RPGRIP1L: variants seen among roughly 807,000 people sequenced by gnomAD.
The protein encoded by RPGRIP1L is protein fantom.
Under a neutral mutation model 160.4 loss-of-function variants are expected in RPGRIP1L, and 131 were observed. The ratio of observed to expected loss-of-function variants is 0.82; its 90% confidence interval spans 0.71 to 0.94. The LOEUF (loss-of-function observed/expected upper bound fraction) is 0.94, where lower values mean the gene tolerates loss of function less well. Among genes scored for constraint, RPGRIP1L ranks in the 40% least tolerant of loss-of-function variants. RPGRIP1L has a pLI of 0.00. For synonymous variants in RPGRIP1L, 510 were observed against 515.8 expected (o/e 0.99, Z 0.15); for missense variants, 1,522 against 1,535.8 (o/e 0.99, Z 0.15).
At chr16:53,693,671 GT>G (rs1970540607) in intron 3 of RPGRIP1L, 1 of 152,174 alleles carries the variant, frequency 6.6e-6, no homozygotes, top group African/African-American at 2.4e-5. Flanking sequence ...CAATGGATTA[GT>G]TCCTTTTCCA....
chr16:53,604,495 T>C (rs1049164677), intron 26 of RPGRIP1L, among the ~76,000 whole-genome samples: 3 of 152,262 alleles, frequency 2.0e-5, no homozygotes, highest in Admixed American at 6.5e-5. Flanking sequence ...CCATCCCTGA[T>C]TATGATTTTT....
intron 24 of RPGRIP1L, 92 bp downstream of exon 24, chr16:53,618,932 TA>T: frequency 9.8e-7 from 1 of 1,018,622 alleles, no homozygotes; most frequent in South Asian, 1.4e-5. Flanking sequence ...ATGTGAATAT[TA>T]GAGAAATAAA....
At chr16:53,695,279 G>A (rs1328386821) in intron 3 of RPGRIP1L, 2 of 690,898 alleles carry the variant, frequency 2.9e-6, no homozygotes, top group Admixed American at 4.2e-5. Flanking sequence ...CACAAATCTT[G>A]AAAACAGCCA....
At position 53,626,959 on chromosome 16, in the gene RPGRIP1L, A is replaced by C. The variant is rs187023710; in HGVS notation, c.3295-4603T>G. 7.6e-4 allele frequency among the ~76,000 whole-genome samples: 116 copies of C among 152,256 alleles called. No individual in the cohort carries two copies. In the Middle Eastern group the frequency reaches 0.017, roughly 22 times the overall value. ...ATGTGATGACAGCTTGTATTGCTCTAAAAAAATAAATTATAGCTCTCGTGA... is the reference window on the plus strand; with the variant it reads ...ATGTGATGACAGCTTGTATTGCTCTCAAAAAATAAATTATAGCTCTCGTGA... On this transcript the variant is annotated intron_variant, in intron 22 of 26. Transcript: ENST00000647211.
rs761406856 is a variant in RPGRIP1L, at chr16:53,645,756, T to C, written c.2552A>G (p.Asp851Gly). 1 of 1,614,108 alleles carries C rather than the reference T, an allele frequency of 6.2e-7. No homozygotes were observed. The change falls in exon 17 of 27, where the codon GAC becomes GGC. Residue 851 changes from aspartate to glycine, a missense_variant. By Grantham distance (94) the Asp-to-Gly change is moderately conservative. Transcript: ENST00000647211. ...CTCTGACTTAAGGTATCGATCCAAG[T>C]CCATATTCATTGGCACTGGGAAATA... ...HMYFPVPMNM[D>G]LDRYLKSESL...
chr16:53,699,121 G>C (rs946283345), intron 2 of RPGRIP1L, among the ~76,000 whole-genome samples: 31 of 152,204 alleles, frequency 2.0e-4, no homozygotes, highest in Middle Eastern at 3.4e-3. Flanking sequence ...AACATGTGCT[G>C]TGTCCACTCA....
chr16:53,698,668 G>T (rs1421558780), intron 2 of RPGRIP1L, among the ~76,000 whole-genome samples: 3 of 126,344 alleles, frequency 2.4e-5, no homozygotes, highest in Non-Finnish European at 5.0e-5. Context: ...GGAGGGAGGT[G>T]GGGGGGTCAG....
intron 1 of RPGRIP1L, chr16:53,701,967 G>A (rs773929725): frequency 6.6e-6 from 1 of 152,118 alleles, no homozygotes; most frequent in Non-Finnish European, 1.5e-5. Flanking sequence ...TCTTTTGGAA[G>A]TACTCCTATA....
intron 22 of RPGRIP1L, among the ~76,000 whole-genome samples, chr16:53,629,518 C>G (rs1567812345): frequency 6.6e-6 from 1 of 152,176 alleles, no homozygotes; most frequent in South Asian, 2.1e-4. Flanking sequence ...CATCTTCCAT[C>G]CATGGAGACT....
At position 53,599,795 on chromosome 16, in the gene RPGRIP1L, T is replaced by A. The variant is rs62050385; in HGVS notation, c.*2281A>T. On this transcript the variant is annotated 3_prime_UTR_variant, in exon 27 of 27. Coordinates refer to ENST00000647211, the MANE Select transcript of RPGRIP1L (RefSeq NM_015272.5). ...TCTCAAACAGATTATGAAACCCAAC[T>A]GAAGTATCCACATGACAGCGTTCAA... 1.1e-4 allele frequency: 17 copies of A among 152,200 alleles called. No individual in the cohort carries two copies. The highest frequency in any genetic ancestry group is 2.1e-4 in the Non-Finnish European group (14 of 68,034). The allele number at this position is 152,200 out of a possible 1,614,324, so 9.4% of individuals were successfully genotyped here.
chr16:53,674,692 C>T (rs1361487592), intron 7 of RPGRIP1L, among the ~76,000 whole-genome samples: 2 of 152,004 alleles, frequency 1.3e-5, no homozygotes, highest in African/African-American at 4.8e-5. Flanking sequence ...AACTTCAGTG[C>T]TATGTGTCCA....
In RPGRIP1L at chr16:53,636,836, G is replaced by GT. The variant is rs1965866147; in HGVS notation, c.3221-325dup. Among the ~76,000 whole-genome samples the GT allele has an allele frequency of 1.2e-4, 19 of 152,128 alleles. 1 individual carries two copies. In the South Asian group the frequency reaches 3.9e-3, roughly 32 times the overall value. ...TTAACAGTCTGACCAGTAATGTTAT[G>GT]TAAGTCAATGCTATTCTTATTATTT... On this transcript the variant is annotated intron_variant, in intron 21 of 26. Transcript: ENST00000647211.
Position 53,602,157 on chromosome 16 carries a change from A to G in RPGRIP1L, c.3867T>C (p.Ile1289=). ...VFDARADGEG[I]GKLRVTVEAL... ...CTTCGACTGTTACCCTGAGCTTGCC[A>G]ATACCTTCACCATCTGCTCGTGCAT... The change falls in exon 27 of 27, where the codon ATT becomes ATC. Residue 1289 remains isoleucine (I), a synonymous_variant. Transcript: ENST00000647211. 1 of 1,613,848 alleles carries G rather than the reference A, an allele frequency of 6.2e-7. No homozygotes were observed. The highest frequency in any genetic ancestry group is 8.5e-7 in the Non-Finnish European group (1 of 1,179,744).
At chr16:53,666,537 C>A (rs557584964) in intron 9 of RPGRIP1L, among the ~76,000 whole-genome samples, 2 of 150,540 alleles carry the variant, frequency 1.3e-5, no homozygotes, top group South Asian at 4.2e-4. Flanking sequence ...CAAACACATC[C>A]ACATATATGC....
chr16:53,649,173 A>G, intron 15 of RPGRIP1L, 58 bp from the exon 16 acceptor site: 1 of 1,432,082 alleles, frequency 7.0e-7, no homozygotes, highest in Non-Finnish European at 9.8e-7. Context: ...AATAGATAGC[A>G]GTAAAAATAC....
rs1487743420 is a variant in RPGRIP1L, at chr16:53,690,401, T to C, written c.529+1665A>G. Among the ~76,000 whole-genome samples the C allele has an allele frequency of 2.0e-5, 3 of 152,160 alleles. No individual in the cohort carries two copies. The East Asian group carries it at 5.8e-4, about 29-fold the overall frequency. ...TTAGTAGAGATGGGGTTTCACCGTG[T>C]TGGCCAGGATGGTCTCCATCTCCTG... On this transcript the variant is annotated intron_variant, in intron 4 of 26. Coordinates refer to ENST00000647211, the MANE Select transcript of RPGRIP1L (RefSeq NM_015272.5).
intron 6 of RPGRIP1L, among the ~76,000 whole-genome samples, chr16:53,679,203 C>G (rs930137545): frequency 3.4e-4 from 51 of 152,194 alleles, no homozygotes; most frequent in Non-Finnish European, 7.2e-4. Flanking sequence ...TTACTCTTAC[C>G]ACCCACAGGA....
intron 14 of RPGRIP1L, chr16:53,653,190 A>G: frequency 3.4e-5 from 18 of 536,162 alleles, no homozygotes; most frequent in Non-Finnish European, 4.1e-5. Context: ...GGCAGCAACA[A>G]AATTGCAACT....
In RPGRIP1L at chr16:53,641,060, G is replaced by A. The variant is rs761869488; in HGVS notation, c.2931C>T (p.Phe977=). 4.3e-6 allele frequency: 7 copies of A among 1,613,444 alleles called. No homozygotes were observed. The highest frequency in any genetic ancestry group is 1.1e-5 in the South Asian group (1 of 91,064). ...RLTPVDKKVS[F]VDIMPHQSDE... Reference sequence around the variant, plus strand: ...CACTCTGATGTGGCATGATATCCACGAAAGATACCTTCTTATCTACAGGTG... The same window carrying A: ...CACTCTGATGTGGCATGATATCCACAAAAGATACCTTCTTATCTACAGGTG... Residue 977 remains phenylalanine (F), a synonymous_variant, in exon 19 of 27, where the codon TTC becomes TTT. Transcript: ENST00000647211.
Sources: gnomAD v4.1 joint callset for allele counts (sites outside exome capture counted in the v4.1 genomes callset) on GRCh38, gnomAD v4.1.1 for gene constraint, MANE v1.5 for transcripts, NCBI Gene and HGNC (gene_info 2026-07-23, HGNC 2026-07-21) for gene names.